MAP1A: variants seen among roughly 807,000 people sequenced by gnomAD.
MAP1A encodes microtubule associated protein 1A, also known as microtubule-associated protein 1A.
In MAP1A, 42 loss-of-function variants were observed where a neutral mutation model predicts 185.9. The ratio of observed to expected loss-of-function variants is 0.23; its 90% CI spans 0.18 to 0.29. The LOEUF is 0.29. MAP1A is among the 10% of genes least tolerant of loss of function. The pLI is 1.00. For synonymous variants in MAP1A, 1,229 were observed against 1,335.9 expected (o/e 0.92, Z 1.74); for missense variants, 2,995 against 3,450.4 (o/e 0.87, Z 3.31).
At chr15:43,517,381 G>T (rs1299484241), upstream of MAP1A, among the ~76,000 whole-genome samples, 1 of 152,170 alleles carries the variant, frequency 6.6e-6, no homozygotes, top group African/African-American at 2.4e-5. Flanking sequence ...AACTAAGCAG[G>T]GTTGGGAGAG....
At position 43,521,702 on chromosome 15, in the gene MAP1A, C is replaced by T. The variant is rs1351291829; in HGVS notation, c.229C>T (p.Arg77Trp). 4 of 1,614,138 alleles carry T rather than the reference C, an allele frequency of 2.5e-6. No individual in the cohort carries two copies. The highest frequency in any genetic ancestry group is 2.2e-5 in the East Asian group (1 of 44,882). The change falls in exon 4 of 6, where the codon CGG (arginine) becomes TGG (tryptophan). Residue 77 changes from arginine (R) to tryptophan (W), a missense_variant. By Grantham distance (101) the Arg-to-Trp change is moderately radical. This residue lies in a region of MAP1A where 264 missense variants were observed against 435.3 expected (regional missense o/e 0.61). Coordinates refer to ENST00000300231, the MANE Select transcript of MAP1A (RefSeq NM_002373.6). This position sits in a 1 kb window ranked among gnomAD's most constrained non-coding sequence, Gnocchi z 4.6. ...CAAGTCCTGTTTTTGGAAGCTGGTACGGCACTTGGACCGCATTGACTCGGT... is the reference window on the plus strand; with the variant it reads ...CAAGTCCTGTTTTTGGAAGCTGGTATGGCACTTGGACCGCATTGACTCGGT... Reference protein sequence around the residue: ...DRKSCFWKLVRHLDRIDSVLL... With the variant: ...DRKSCFWKLVWHLDRIDSVLL...
At chr15:43,511,615 T>C (rs1211632635) in intron 1 of MAP1A, among the ~76,000 whole-genome samples, 4 of 152,210 alleles carry the variant, frequency 2.6e-5, no homozygotes, top group African/African-American at 4.8e-5. Flanking sequence ...CACGGGGAGC[T>C]TTCTGAACGC....
chr15:43,529,841 G>A lies in MAP1A; in HGVS notation c.8227G>A (p.Gly2743Ser), dbSNP rs373758806. 2 of 1,613,794 alleles carry A rather than the reference G, an allele frequency of 1.2e-6. No homozygotes were observed. The highest frequency in any genetic ancestry group is 2.7e-5 in the African/African-American group (2 of 74,926). ...GGCTGTGCTGGATGCCCTGCTGGAG[G>A]GCAAGGCCCAGTGGGGGGAGAATCT... Reference protein sequence around the residue: ...SRAVLDALLEGKAQWGENLQV... With the variant: ...SRAVLDALLESKAQWGENLQV... Residue 2743 changes from glycine (G) to serine (S), a missense_variant, in exon 5 of 6, where the codon GGC (glycine) becomes AGC (serine). Transcript: ENST00000300231. The surrounding 1 kb of genome is among the most constrained non-coding windows in gnomAD (Gnocchi z 4.3).
chr15:43,527,778 A>T lies in MAP1A; in HGVS notation c.6305A>T (p.Asp2102Val). 6.2e-7 allele frequency: 1 copy of T among 1,613,724 alleles called. No individual in the cohort carries two copies. Among genetic ancestry groups the T allele is most frequent in the Non-Finnish European group, 8.5e-7 (1 of 1,179,884 alleles). ...AAGGAATCAGGCCGGAGTCACTGGG[A>T]TGACAGCACTAGTGACTCAGAACTG... ...SPKESGRSHW[D>V]DSTSDSELEK... Residue 2102 changes from aspartate (D) to valine (V), a missense_variant, in exon 4 of 6, where the codon GAT (aspartate) becomes GTT (valine). Asp to Val is a radical substitution (Grantham distance 152). Around this residue, in one of 3 missense-constraint regions of MAP1A, gnomAD observed 2,728 missense variants for 2,986.0 expected, o/e 0.91. Transcript: ENST00000300231.
In MAP1A at chr15:43,512,292, G is replaced by A; in HGVS notation, c.340+1G>A. The A allele has an allele frequency of 1.3e-6, 2 of 1,525,036 alleles. No individual in the cohort carries two copies. The highest frequency in any genetic ancestry group is 8.9e-7 in the Non-Finnish European group (1 of 1,123,532). 94.5% of individuals were successfully genotyped at this position (1,525,036 alleles called of 1,614,324 possible). ...GCTCACTTCTCCTCAGAGGTCAAAG[G>A]TTAGGACTAATGTTTTATTTCAGTC... is the stretch of plus-strand genomic sequence containing the variant. On this transcript the variant is annotated splice_donor_variant, in intron 2 of 6. Transcript: ENST00000382031. LOFTEE classifies it high-confidence loss of function.
At chr15:43,520,897 G>C in intron 2 of MAP1A, 75 bp from the exon 3 acceptor site, 1 of 1,434,978 alleles carries the variant, frequency 7.0e-7, no homozygotes, top group South Asian at 1.3e-5. Context: ...GCATGTTCTT[G>C]AGGTACTGAG....
chr15:43,524,105 T>C lies in MAP1A; in HGVS notation c.2632T>C (p.Ser878Pro), dbSNP rs1254059212. The C allele has an allele frequency of 1.2e-6, 2 of 1,613,926 alleles. No homozygotes were observed. Among genetic ancestry groups the C allele is most frequent in the African/African-American group, 1.3e-5 (1 of 74,878 alleles). The change falls in exon 4 of 6, where the codon TCC becomes CCC. Residue 878 changes from serine to proline, a missense_variant. Transcript: ENST00000300231. ...TGACACAGTCACAAGCATCCCTTCC[T>C]CCCGTACTGAAGCTACGCAGGGCTT... ...LLDTVTSIPS[S>P]RTEATQGLDY...
At position 43,525,905 on chromosome 15, in the gene MAP1A, T is replaced by C. The variant is rs1313634099; in HGVS notation, c.4432T>C (p.Leu1478=). ...DKALEPKDKD[L]EQKDRVLEQK... ...GGCCCTGGAACCAAAAGATAAAGAC[T>C]TGGAACAAAAGGACAGGGTCCTAGA... The change falls in exon 4 of 6, where the codon TTG becomes CTG. Residue 1478 remains leucine (L), a synonymous_variant. Transcript: ENST00000300231. 11 of 1,613,196 alleles carry C rather than the reference T, an allele frequency of 6.8e-6. No homozygotes were observed. The highest frequency in any genetic ancestry group is 2.2e-5 in the South Asian group (2 of 91,010).
chr15:43,523,421 G>A lies in MAP1A; in HGVS notation c.1948G>A (p.Glu650Lys), dbSNP rs368904561. ...AGAGGAAAGTGAACCTGAAGTAAAGGAGGATGTGATAGAAAAGGCTGAGTT... is the reference window on the plus strand; with the variant it reads ...AGAGGAAAGTGAACCTGAAGTAAAGAAGGATGTGATAGAAAAGGCTGAGTT... ...AREESEPEVK[E>K]DVIEKAELEE... The change falls in exon 4 of 6, where the codon GAG (glutamate) becomes AAG (lysine). Residue 650 changes from glutamate to lysine, a missense_variant. This residue lies in a region of MAP1A where 2,728 missense variants were observed against 2,986.0 expected (regional missense o/e 0.91). Coordinates refer to ENST00000300231, the MANE Select transcript of MAP1A (RefSeq NM_002373.6). The A allele has an allele frequency of 4.3e-6, 7 of 1,613,358 alleles. No individual in the cohort carries two copies. The highest frequency in any genetic ancestry group is 1.6e-4 in the Middle Eastern group (1 of 6,084).
chr15:43,523,746 A>C lies in MAP1A; in HGVS notation c.2273A>C (p.Glu758Ala). 1 of 1,614,092 alleles carries C rather than the reference A, an allele frequency of 6.2e-7. No individual in the cohort carries two copies. The highest frequency in any genetic ancestry group is 2.2e-5 in the East Asian group (1 of 44,880). Residue 758 changes from glutamate to alanine, a missense_variant, in exon 4 of 6, where the codon GAG (glutamate) becomes GCG (alanine). By Grantham distance (107) the Glu-to-Ala change is moderately radical. Around this residue, in one of 3 missense-constraint regions of MAP1A, gnomAD observed 2,728 missense variants for 2,986.0 expected, o/e 0.91. Coordinates refer to ENST00000300231, the MANE Select transcript of MAP1A (RefSeq NM_002373.6). ...ATCTCAGATGAGGAGATCCATGATG[A>C]GCCGGAGGAGCGCCCAGCTCCACCC... ...QTISDEEIHD[E>A]PEERPAPPRF...
rs926688137 is a variant in MAP1A, at chr15:43,531,360, C to A, written c.*1136C>A. On this transcript the variant is annotated 3_prime_UTR_variant, in exon 6 of 6. Coordinates refer to ENST00000300231, the MANE Select transcript of MAP1A (RefSeq NM_002373.6). ...TGAAAATACCACCCCAGGAGAGGAC[C>A]TCGCCCCAAGCAAGCCAGTGAGCAG... is the stretch of plus-strand genomic sequence containing the variant. 3.9e-5 allele frequency: 6 copies of A among 152,734 alleles called. No homozygotes were observed. Among genetic ancestry groups the A allele is most frequent in the African/African-American group, 1.2e-4 (5 of 41,432 alleles). 9.5% of individuals were successfully genotyped at this position (152,734 alleles called of 1,614,324 possible).
At chr15:43,511,073 C>T (rs1231350209) in exon 1 of MAP1A, 7 of 1,549,784 alleles carry the variant, frequency 4.5e-6, no homozygotes, top group Non-Finnish European at 5.2e-6. Context: ...TCCCGGCGCA[C>T]CGCTGGCTCA....
At position 43,524,163 on chromosome 15, in the gene MAP1A, C is replaced by T. The variant is rs779526532; in HGVS notation, c.2690C>T (p.Pro897Leu). The part of the protein sequence containing the change: ...DYVPSAGTIS[P>L]TSSLEEDKGF... ...GTGCCATCAGCTGGTACCATCTCAC[C>T]CACCTCCTCACTGGAAGAAGACAAG... The change falls in exon 4 of 6, where the codon CCC becomes CTC. Residue 897 changes from proline (P) to leucine (L), a missense_variant. Transcript: ENST00000300231. The T allele has an allele frequency of 2.5e-6, 4 of 1,614,170 alleles. No individual in the cohort carries two copies. In the East Asian group the frequency reaches 8.9e-5, roughly 36 times the overall value.
At position 43,526,022 on chromosome 15, in the gene MAP1A, G is replaced by A. The variant is rs543665762; in HGVS notation, c.4549G>A (p.Glu1517Lys). 7.1e-5 allele frequency: 114 copies of A among 1,613,544 alleles called. No individual in the cohort carries two copies. In the Middle Eastern group the frequency reaches 8.3e-4, roughly 12 times the overall value. Residue 1517 changes from glutamate (E) to lysine (K), a missense_variant, in exon 4 of 6, where the codon GAA becomes AAA. Around this residue, in one of 3 missense-constraint regions of MAP1A, gnomAD observed 2,728 missense variants for 2,986.0 expected, o/e 0.91. Coordinates refer to ENST00000300231, the MANE Select transcript of MAP1A (RefSeq NM_002373.6). The surrounding 1 kb of genome is among the most constrained non-coding windows in gnomAD (Gnocchi z 4.7). ...TAAGGCTCCGGAGGACACGGTCGCT[G>A]AAATGAAGGACAGAGACCTAGAACA... ...EHKAPEDTVAEMKDRDLEQTD... is the reference protein window; with the variant it reads ...EHKAPEDTVAKMKDRDLEQTD...
In MAP1A at chr15:43,528,897, G is replaced by A. The variant is rs2079358793; in HGVS notation, c.7424G>A (p.Gly2475Glu). The A allele has an allele frequency of 6.2e-7, 1 of 1,613,104 alleles. No individual in the cohort carries two copies. The highest frequency in any genetic ancestry group is 1.3e-5 in the African/African-American group (1 of 74,928). Residue 2475 changes from glycine to glutamate, a missense_variant, in exon 4 of 6, where the codon GGA becomes GAA. By Grantham distance (98) the Gly-to-Glu change is moderately conservative. Around this residue, in one of 3 missense-constraint regions of MAP1A, gnomAD observed 2,728 missense variants for 2,986.0 expected, o/e 0.91. Transcript: ENST00000300231. ...TCAACTGAGGAAGTTCGGCTAGTAG[G>A]AAGAGGGGGGCGGCGCCGGGTAGGG... ...DLSTEEVRLV[G>E]RGGRRRVGGP...
In MAP1A at chr15:43,523,077, T is replaced by C; in HGVS notation, c.1604T>C (p.Phe535Ser). 2 of 1,613,968 alleles carry C rather than the reference T, an allele frequency of 1.2e-6. No homozygotes were observed. Among genetic ancestry groups the C allele is most frequent in the Non-Finnish European group, 1.7e-6 (2 of 1,179,974 alleles). The change falls in exon 4 of 6, where the codon TTT becomes TCT. Residue 535 changes from phenylalanine (F) to serine (S), a missense_variant. Transcript: ENST00000300231. ...LSSPEDLTQD[F>S]EEMKREERAL... Reference sequence around the variant, plus strand: ...TCACCAGAGGACCTCACACAGGACTTTGAGGAGATGAAGCGTGAGGAGAGG... The same window carrying C: ...TCACCAGAGGACCTCACACAGGACTCTGAGGAGATGAAGCGTGAGGAGAGG...
upstream of MAP1A, among the ~76,000 whole-genome samples, chr15:43,516,604 A>G (rs1377200622): frequency 6.6e-6 from 1 of 152,186 alleles, no homozygotes; most frequent in African/African-American, 2.4e-5. Context: ...TTTGAGTCCT[A>G]GAGCGCTTTA....
chr15:43,516,898 A>C (rs908337903), upstream of MAP1A, among the ~76,000 whole-genome samples: 2 of 152,288 alleles, frequency 1.3e-5, no homozygotes, highest in Non-Finnish European at 1.5e-5. Context: ...TTGTCTCTTC[A>C]TATCCAATGA....
In MAP1A at chr15:43,526,348, G is replaced by C; in HGVS notation, c.4875G>C (p.Glu1625Asp). 1 of 1,614,244 alleles carries C rather than the reference G, an allele frequency of 6.2e-7. No homozygotes were observed. ...LEKTKALGLE[E>D]SLVQEGRARE... The stretch of plus-strand genomic sequence containing the variant: ...AGACCAAAGCTCTGGGCCTGGAAGA[G>C]AGCCTAGTGCAGGAGGGCAGGGCCA... Residue 1625 changes from glutamate to aspartate, a missense_variant, in exon 4 of 6, where the codon GAG (glutamate) becomes GAC (aspartate). By Grantham distance (45) the Glu-to-Asp change is conservative. This residue lies in a region of MAP1A where 2,728 missense variants were observed against 2,986.0 expected (regional missense o/e 0.91). Coordinates refer to ENST00000300231, the MANE Select transcript of MAP1A (RefSeq NM_002373.6). The surrounding 1 kb of genome is among the most constrained non-coding windows in gnomAD (Gnocchi z 4.7).
Sources: allele counts gnomAD v4.1 joint callset (sites outside exome capture counted in the v4.1 genomes callset), GRCh38; gene constraint gnomAD v4.1.1; regional missense constraint gnomAD v4.1.1; non-coding constraint Gnocchi (gnomAD v3.1); transcripts MANE v1.5; gene names NCBI Gene and HGNC (gene_info 2026-07-23, HGNC 2026-07-21).